Variants in FHOD3 observed in about 807,000 individuals in gnomAD.
The protein encoded by FHOD3 is formin homology 2 domain containing 3, also known as FH1/FH2 domain-containing protein 3.
In FHOD3, 90 loss-of-function variants were observed where a neutral mutation model predicts 173.0. The ratio of observed to expected loss-of-function variants is 0.52; its 90% CI spans 0.44 to 0.62. FHOD3 has a LOEUF of 0.62. Among genes scored for constraint, FHOD3 ranks in the 20% least tolerant of loss-of-function variants. The pLI, the probability that FHOD3 is intolerant of heterozygous loss-of-function variation, is 0.00. For synonymous variants in FHOD3, 828 were observed against 823.0 expected (o/e 1.01, Z -0.10); for missense variants, 1,945 against 2,034.7 (o/e 0.96, Z 0.85).
intron 24 of FHOD3, among the ~76,000 whole-genome samples, chr18:36,749,969 G>A (rs988288234): frequency 1.3e-5 from 2 of 151,142 alleles, no homozygotes; most frequent in African/African-American, 4.9e-5. Flanking sequence ...TATTCTTGTT[G>A]GTCACATGTA....
chr18:36,444,674 T>C (rs770431492), intron 3 of FHOD3, among the ~76,000 whole-genome samples: 1 of 152,248 alleles, frequency 6.6e-6, no homozygotes, highest in Non-Finnish European at 1.5e-5. Context: ...TTGCCTTTTT[T>C]AACACAAAGG....
chr18:36,556,787 T>G (rs1219972186), intron 5 of FHOD3, among the ~76,000 whole-genome samples: 1 of 152,210 alleles, frequency 6.6e-6, no homozygotes, highest in Non-Finnish European at 1.5e-5. Context: ...TCTTTATTCC[T>G]TTTTGGAGGT....
At chr18:36,745,098 G>A in intron 23 of FHOD3, among the ~76,000 whole-genome samples, 1 of 152,056 alleles carries the variant, frequency 6.6e-6, no homozygotes, top group East Asian at 1.9e-4. Context: ...GTTGGCTGCT[G>A]AGGCCTGCTT....
chr18:36,346,552 C>T (rs1468591420), intron 1 of FHOD3, among the ~76,000 whole-genome samples: 5 of 152,300 alleles, frequency 3.3e-5, no homozygotes, highest in East Asian at 1.9e-4. Flanking sequence ...CCACCATATC[C>T]GATCAGTCAC....
intron 14 of FHOD3, among the ~76,000 whole-genome samples, chr18:36,674,324 C>T (rs1490032477): frequency 6.6e-6 from 1 of 152,242 alleles, no homozygotes; most frequent in East Asian, 1.9e-4. Flanking sequence ...CCAGGGGATG[C>T]AGATCCTCTT....
At chr18:36,761,440 A>C (rs2042873823) in intron 27 of FHOD3, among the ~76,000 whole-genome samples, 1 of 151,936 alleles carries the variant, frequency 6.6e-6, no homozygotes, top group Non-Finnish European at 1.5e-5. Flanking sequence ...GGGTTTCTTC[A>C]CTGCCTGCAG....
At chr18:36,774,485 G>T (rs574338712) in intron 28 of FHOD3, among the ~76,000 whole-genome samples, 2 of 152,080 alleles carry the variant, frequency 1.3e-5, no homozygotes, top group Non-Finnish European at 2.9e-5. Context: ...TTAAGTGAGG[G>T]GCCCCAAACC....
At chr18:36,469,149 TA>T (rs1197021251) in intron 3 of FHOD3, among the ~76,000 whole-genome samples, 1 of 152,142 alleles carries the variant, frequency 6.6e-6, no homozygotes, top group African/African-American at 2.4e-5. Context: ...TTTTCTGTTT[TA>T]CATATACCCT....
intron 3 of FHOD3, among the ~76,000 whole-genome samples, chr18:36,411,388 A>C (rs1533301): frequency 2.0e-5 from 3 of 152,080 alleles, no homozygotes; most frequent in African/African-American, 7.2e-5. Context: ...AAAGGGTATC[A>C]TTTGTTACTA....
intron 5 of FHOD3, among the ~76,000 whole-genome samples, chr18:36,562,324 C>A (rs2058116509): frequency 6.6e-6 from 1 of 152,170 alleles, no homozygotes; most frequent in African/African-American, 2.4e-5. Context: ...GCCATGACAA[C>A]TACACTGGAT....
At chr18:36,680,523 T>C (rs189281277) in intron 14 of FHOD3, among the ~76,000 whole-genome samples, 23 of 152,352 alleles carry the variant, frequency 1.5e-4, no homozygotes, top group Middle Eastern at 3.4e-3. Flanking sequence ...TCAGACTCCT[T>C]TACATAGCTA....
intron 5 of FHOD3, among the ~76,000 whole-genome samples, chr18:36,574,645 A>G (rs905151552): frequency 1.3e-5 from 2 of 152,238 alleles, no homozygotes; most frequent in Middle Eastern, 3.4e-3. Flanking sequence ...TATTGTATCT[A>G]TAATTTTACT....
intron 6 of FHOD3, among the ~76,000 whole-genome samples, chr18:36,586,419 T>G (rs952957525): frequency 2.6e-5 from 4 of 152,168 alleles, no homozygotes; most frequent in Non-Finnish European, 4.4e-5. Flanking sequence ...ATCAAGATGC[T>G]CCTTCGGGCA....
chr18:36,389,207 G>C (rs1207400280), intron 3 of FHOD3, among the ~76,000 whole-genome samples: 1 of 152,244 alleles, frequency 6.6e-6, no homozygotes, highest in African/African-American at 2.4e-5. Context: ...AGAGGAAGAA[G>C]AAGAGGAAGT....
intron 3 of FHOD3, among the ~76,000 whole-genome samples, chr18:36,389,870 A>G (rs894249889): frequency 2.6e-5 from 4 of 151,974 alleles, no homozygotes; most frequent in Non-Finnish European, 5.9e-5. Context: ...TCCTTTTTCA[A>G]TGAGTGTCCT....
At chr18:36,575,387 C>A (rs1163483729) in intron 5 of FHOD3, among the ~76,000 whole-genome samples, 1 of 152,182 alleles carries the variant, frequency 6.6e-6, no homozygotes, top group Non-Finnish European at 1.5e-5. Context: ...TCTTTCTAAT[C>A]AACGTATTTC....
chr18:36,362,439 A>G (rs1330998801), intron 2 of FHOD3, among the ~76,000 whole-genome samples: 1 of 152,178 alleles, frequency 6.6e-6, no homozygotes, highest in Non-Finnish European at 1.5e-5. Flanking sequence ...AGTGGAGGCA[A>G]TTTTGAAAAG....
chr18:36,671,781 G>C (rs2149323038), intron 14 of FHOD3, among the ~76,000 whole-genome samples: 1 of 152,300 alleles, frequency 6.6e-6, no homozygotes, highest in Admixed American at 6.5e-5. Context: ...CAGTTGCTGT[G>C]GGGGAAGGAG....
intron 17 of FHOD3, among the ~76,000 whole-genome samples, chr18:36,699,979 C>T (rs1600300296): frequency 3.3e-5 from 5 of 151,858 alleles, no homozygotes; most frequent in Admixed American, 2.0e-4. Flanking sequence ...CCAGGCTAAA[C>T]AGGATAGTTG....
Sources: gnomAD v4.1 joint callset for allele counts (sites outside exome capture counted in the v4.1 genomes callset) on GRCh38, gnomAD v4.1.1 for gene constraint, MANE v1.5 for transcripts, NCBI Gene and HGNC (gene_info 2026-07-23, HGNC 2026-07-21) for gene names.